The following ITGA9 variants were observed in gnomAD, a reference collection of about 807,000 sequenced individuals.
ITGA9 encodes the protein integrin subunit alpha 9.
Under a neutral mutation model 127.8 loss-of-function variants are expected in ITGA9, and 56 were observed. The observed-to-expected ratio is 0.44, with a 90% CI of 0.35 to 0.55. ITGA9 has a LOEUF of 0.55. Ranked by LOEUF, ITGA9 falls within the 20% of genes least tolerant of loss-of-function variation. The pLI is 0.00. For synonymous variants in ITGA9, 508 were observed against 514.5 expected, an observed-to-expected ratio of 0.99 and a Z score of 0.17; for missense variants, 1,196 against 1,347.1, an observed-to-expected ratio of 0.89 and a Z score of 1.76.
At chr3:37,743,408 C>T (rs1213905754) in intron 21 of ITGA9, among the ~76,000 whole-genome samples, 6 of 152,164 alleles carry the variant, frequency 3.9e-5, no homozygotes, top group African/African-American at 1.4e-4. Flanking sequence ...ATGTAGCCTC[C>T]GAAATCCAAG....
At chr3:37,516,858 A>G (rs1175222875) in intron 9 of ITGA9, among the ~76,000 whole-genome samples, 4 of 152,016 alleles carry the variant, frequency 2.6e-5, no homozygotes, top group African/African-American at 7.2e-5. Context: ...CCCAAGTTAG[A>G]TGACTTTTCC....
chr3:37,815,428 A>T (rs1426822056), intron 27 of ITGA9, among the ~76,000 whole-genome samples: 1 of 152,076 alleles, frequency 6.6e-6, no homozygotes, highest in African/African-American at 2.4e-5. Context: ...GGCCAACAAG[A>T]TGAAACCCCG....
intron 5 of ITGA9, among the ~76,000 whole-genome samples, chr3:37,501,083 C>CT (rs1355643450): frequency 6.6e-6 from 1 of 152,048 alleles, no homozygotes; most frequent in Non-Finnish European, 1.5e-5. Flanking sequence ...AGTGTGAACT[C>CT]TGAGATATAA....
chr3:37,459,033 A>C (rs966755111), intron 1 of ITGA9, among the ~76,000 whole-genome samples: 1 of 152,224 alleles, frequency 6.6e-6, no homozygotes, highest in African/African-American at 2.4e-5. Context: ...ATGTAAGTCC[A>C]AGATTGGGAA....
intron 4 of ITGA9, among the ~76,000 whole-genome samples, chr3:37,483,611 T>G (rs183442421): frequency 2.0e-3 from 300 of 152,256 alleles, no homozygotes; most frequent in Non-Finnish European, 3.8e-3. Context: ...AGCACACATC[T>G]AGAGTCCTCC....
At chr3:37,674,070 G>T (rs1376698065) in intron 17 of ITGA9, among the ~76,000 whole-genome samples, 1 of 152,160 alleles carries the variant, frequency 6.6e-6, no homozygotes, top group Non-Finnish European at 1.5e-5. Context: ...ACCACTAAAG[G>T]CTGATGTTGG....
intron 17 of ITGA9, among the ~76,000 whole-genome samples, chr3:37,668,775 C>T (rs1700608909): frequency 1.3e-5 from 2 of 152,216 alleles, no homozygotes. Context: ...CTGATATAAC[C>T]TCAGGTGAAC....
intron 27 of ITGA9, chr3:37,818,313 G>GTCGCC (rs1697466378): frequency 7.5e-6 from 1 of 133,226 alleles, no homozygotes; most frequent in Non-Finnish European, 1.5e-5. Flanking sequence ...AGGCTGGAGT[G>GTCGCC]CAGTGGTGGC....
chr3:37,774,701 A>G (rs1005933199), intron 23 of ITGA9, among the ~76,000 whole-genome samples: 4 of 151,988 alleles, frequency 2.6e-5, no homozygotes, highest in Non-Finnish European at 4.4e-5. Context: ...AGCCTGGGAG[A>G]CAGAGACCCT....
chr3:37,688,024 G>A (rs1700797929), intron 18 of ITGA9, among the ~76,000 whole-genome samples: 4 of 152,252 alleles, frequency 2.6e-5, no homozygotes, highest in Admixed American at 2.6e-4. Flanking sequence ...GGATGAGGAA[G>A]CTGCTGGAGG....
intron 23 of ITGA9, among the ~76,000 whole-genome samples, chr3:37,757,188 A>G (rs1696663035): frequency 6.6e-6 from 1 of 151,902 alleles, no homozygotes. Flanking sequence ...TGAAATAGAA[A>G]AAATAATAAC....
At chr3:37,809,285 C>T (rs1323622889) in intron 27 of ITGA9, among the ~76,000 whole-genome samples, 1 of 151,984 alleles carries the variant, frequency 6.6e-6, no homozygotes, top group Non-Finnish European at 1.5e-5. Flanking sequence ...GGGGTTTCAC[C>T]ATGTTGGCCA....
intron 20 of ITGA9, among the ~76,000 whole-genome samples, chr3:37,739,393 T>C (rs1211700400): frequency 6.6e-6 from 1 of 152,242 alleles, no homozygotes; most frequent in East Asian, 1.9e-4. Flanking sequence ...CAGGCATTGG[T>C]GAAGATATGG....
chr3:37,535,772 G>A (rs1699201931), intron 14 of ITGA9, among the ~76,000 whole-genome samples: 1 of 152,162 alleles, frequency 6.6e-6, no homozygotes, highest in Non-Finnish European at 1.5e-5. Flanking sequence ...TAAAGGGGAT[G>A]GTAACTGGAG....
chr3:37,808,829 C>G (rs767440443), intron 27 of ITGA9: 2 of 152,232 alleles, frequency 1.3e-5, no homozygotes, highest in African/African-American at 2.4e-5. Context: ...CTCAGGGCCT[C>G]TCCATGTGGT....
At chr3:37,622,122 A>T (rs562225012) in intron 15 of ITGA9, among the ~76,000 whole-genome samples, 15 of 142,494 alleles carry the variant, frequency 1.1e-4, no homozygotes, top group South Asian at 4.3e-4. Flanking sequence ...TTTAATTTAA[A>T]TTTTTGTTTG....
At chr3:37,502,088 C>T (rs1449885327) in intron 5 of ITGA9, among the ~76,000 whole-genome samples, 1 of 152,150 alleles carries the variant, frequency 6.6e-6, no homozygotes, top group Non-Finnish European at 1.5e-5. Context: ...CAAATCATTT[C>T]TGGGAACTTA....
At chr3:37,618,732 A>G (rs1260803900) in intron 15 of ITGA9, among the ~76,000 whole-genome samples, 1 of 152,222 alleles carries the variant, frequency 6.6e-6, no homozygotes, top group African/African-American at 2.4e-5. Context: ...GCAATGAGCA[A>G]GGCTCCGTGG....
At chr3:37,721,732 T>C (rs1701192174) in intron 18 of ITGA9, among the ~76,000 whole-genome samples, 1 of 152,192 alleles carries the variant, frequency 6.6e-6, no homozygotes, top group Non-Finnish European at 1.5e-5. Flanking sequence ...TGTCTGCATT[T>C]GGCATCTGCG....
Sources: gnomAD v4.1 joint callset for allele counts (sites outside exome capture counted in the v4.1 genomes callset) on GRCh38, gnomAD v4.1.1 for gene constraint, MANE v1.5 for transcripts, NCBI Gene and HGNC (gene_info 2026-07-23, HGNC 2026-07-21) for gene names.